Variants in FAAH2 observed in about 807,000 individuals in gnomAD.
FAAH2 encodes the protein fatty acid amide hydrolase 2, also known as fatty-acid amide hydrolase 2.
FAAH2 carries 60 observed loss-of-function variants against 36.9 expected under a neutral mutation model. The observed-to-expected ratio is 1.63, with a 90% CI of 1.32 to 2.02. The LOEUF (loss-of-function observed/expected upper bound fraction) is 2.02, where lower values mean the gene tolerates loss of function less well. Among genes scored for constraint, FAAH2 ranks in the 30% most tolerant of loss-of-function variants. FAAH2 has a pLI of 0.00. For missense variants in FAAH2, 689 were observed against 397.5 expected (o/e 1.73, Z -6.23); for synonymous variants, 214 against 143.8 (o/e 1.49, Z -3.49).
the FAAH2 span, among the ~76,000 whole-genome samples, chrX:57,208,872 T>C: frequency 0.45 from 50,314 of 111,343 alleles, 11,333 homozygotes; most frequent in African/African-American, 0.88. Flanking sequence ...GGTTCAGGAA[T>C]GCCTTCAGCA....
chrX:57,325,164 C>A (rs768277896), intron 3 of FAAH2, among the ~76,000 whole-genome samples: 2 of 112,130 alleles, frequency 1.8e-5, no homozygotes, highest in Non-Finnish European at 3.8e-5. Flanking sequence ...TATGTTGAAG[C>A]AGCCTTGCAT....
the FAAH2 span, among the ~76,000 whole-genome samples, chrX:57,145,887 TG>T: frequency 8.9e-6 from 1 of 112,014 alleles, no homozygotes; most frequent in East Asian, 2.8e-4. Context: ...GGTTTATTTC[TG>T]GGTTCTCTGT....
rs112568662 is a variant in FAAH2, at chrX:57,392,705, G to T, written c.996+11676G>T. 8.1e-6 allele frequency: 5 copies of T among 616,663 alleles called. No homozygotes were observed. In the African/African-American group the frequency reaches 8.8e-5, roughly 11 times the overall value. The allele number at this position is 616,663 out of a possible 1,213,427, so 50.8% of individuals were successfully genotyped here. A position where few individuals can be genotyped will look rare whatever the true frequency, so the allele number is the denominator to read the frequency against. On this transcript the variant is annotated intron_variant, in intron 7 of 10. Transcript: ENST00000374900. The stretch of plus-strand genomic sequence containing the variant: ...AAATCAGTATCATAAAAACAGGGCT[G>T]GGTGGGGAGTCCATTGTGCTCATCG...
chrX:57,366,098 C>T (rs966298853), intron 5 of FAAH2, among the ~76,000 whole-genome samples: 1 of 110,538 alleles, frequency 9.0e-6, no homozygotes, highest in Non-Finnish European at 1.9e-5. Flanking sequence ...TAAGAAGACA[C>T]TCTAACTTCT....
At chrX:57,343,164 T>A (rs1341109962) in intron 5 of FAAH2, among the ~76,000 whole-genome samples, 1 of 111,935 alleles carries the variant, frequency 8.9e-6, no homozygotes, top group African/African-American at 3.2e-5. Context: ...CTGGGTTAAA[T>A]GGCAGTTCTA....
intron 3 of FAAH2, among the ~76,000 whole-genome samples, chrX:57,317,581 C>T (rs980660250): frequency 5.4e-5 from 6 of 111,082 alleles, no homozygotes; most frequent in Non-Finnish European, 7.6e-5. Flanking sequence ...ACTTTAACAC[C>T]CCACTGTCAC....
chrX:57,309,320 A>T (rs1009449421), intron 2 of FAAH2, among the ~76,000 whole-genome samples: 4 of 112,203 alleles, frequency 3.6e-5, no homozygotes, highest in African/African-American at 9.7e-5. Flanking sequence ...TTCACTGTTA[A>T]TGTTTTGCTT....
chrX:57,310,391 T>C (rs5914962), intron 2 of FAAH2, among the ~76,000 whole-genome samples: 60,198 of 110,668 alleles, frequency 0.54, 14,402 homozygotes, highest in Non-Finnish European at 0.75. Flanking sequence ...GGATAATTCT[T>C]ACTAGGTTGG....
intron 10 of FAAH2, among the ~76,000 whole-genome samples, chrX:57,453,305 A>G (rs1006999146): frequency 8.9e-6 from 1 of 112,758 alleles, no homozygotes; most frequent in Non-Finnish European, 1.9e-5. Flanking sequence ...GTTTTCAACA[A>G]AAATTTATGA....
chrX:57,208,193 AG>A, the FAAH2 span, among the ~76,000 whole-genome samples: 1 of 112,457 alleles, frequency 8.9e-6, no homozygotes, highest in African/African-American at 3.2e-5. Flanking sequence ...CTGGAGGGTC[AG>A]GCCACTCTTT....
At chrX:57,366,886 G>A (rs927757325) in intron 5 of FAAH2, among the ~76,000 whole-genome samples, 3 of 111,867 alleles carry the variant, frequency 2.7e-5, no homozygotes, top group African/African-American at 9.7e-5. Flanking sequence ...AAAGGCTAGA[G>A]CTGCCTGGTG....
At position 57,394,805 on chromosome X, in the gene FAAH2, T is replaced by A. The variant is rs1400798058; in HGVS notation, c.996+13776T>A. ...CACCAGGATGTCGCCTTTATTTACCTCCTCATCCAGATTGGCAGTCTTGGA... is the reference window on the plus strand; with the variant it reads ...CACCAGGATGTCGCCTTTATTTACCACCTCATCCAGATTGGCAGTCTTGGA... On this transcript the variant is annotated intron_variant, in intron 7 of 10. Coordinates refer to ENST00000374900, the MANE Select transcript of FAAH2 (RefSeq NM_174912.4). 7.5e-6 allele frequency: 8 copies of A among 1,066,773 alleles called. No individual in the cohort carries two copies. The Admixed American group carries it at 1.8e-4, about 24-fold the overall frequency. 87.9% of individuals were successfully genotyped at this position (1,066,773 alleles called of 1,213,427 possible).
At chrX:57,294,615 C>T (rs192159553) in intron 2 of FAAH2, among the ~76,000 whole-genome samples, 135 of 111,921 alleles carry the variant, frequency 1.2e-3, no homozygotes, top group African/African-American at 3.7e-3. Context: ...TCTAATCGTA[C>T]GGAACTACTC....
At chrX:57,165,917 C>T in the FAAH2 span, among the ~76,000 whole-genome samples, 1 of 110,193 alleles carries the variant, frequency 9.1e-6, no homozygotes, top group African/African-American at 3.3e-5. Context: ...ACCACCTTGG[C>T]CTGCCATGCC....
chrX:57,265,891 G>C, the FAAH2 span, among the ~76,000 whole-genome samples: 1 of 111,759 alleles, frequency 8.9e-6, no homozygotes, highest in East Asian at 2.8e-4. Context: ...CTTCATCACA[G>C]TGTGGAGCCT....
At chrX:57,367,298 T>C (rs1032363823) in intron 5 of FAAH2, among the ~76,000 whole-genome samples, 19 of 112,297 alleles carry the variant, frequency 1.7e-4, no homozygotes, top group East Asian at 5.6e-4. Flanking sequence ...ATTGGCCTTT[T>C]TCATTATGTT....
At chrX:57,381,527 A>C in intron 7 of FAAH2, 3 of 680,907 alleles carry the variant, frequency 4.4e-6, no homozygotes, top group Non-Finnish European at 3.5e-6. Context: ...TTAAACTACT[A>C]TTCAATGTAA....
At chrX:57,481,053 T>C (rs1404350379) in intron 10 of FAAH2, among the ~76,000 whole-genome samples, 2 of 110,394 alleles carry the variant, frequency 1.8e-5, no homozygotes, top group African/African-American at 3.3e-5. Context: ...TACTTTTGTA[T>C]GCTTCACGAA....
intron 7 of FAAH2, among the ~76,000 whole-genome samples, chrX:57,391,956 C>A (rs1301487572): frequency 9.1e-6 from 1 of 109,857 alleles, no homozygotes; most frequent in Non-Finnish European, 1.9e-5. Context: ...AGCATAAGAT[C>A]TTTTTCTATT....
Sources: gnomAD v4.1 joint callset for allele counts (sites outside exome capture counted in the v4.1 genomes callset) on GRCh38, gnomAD v4.1.1 for gene constraint, MANE v1.5 for transcripts, NCBI Gene and HGNC (gene_info 2026-07-23, HGNC 2026-07-21) for gene names.